NIBAN1: variants seen among roughly 807,000 people sequenced by gnomAD.
NIBAN1 encodes protein Niban 1.
In NIBAN1, 81 loss-of-function variants were observed where a neutral mutation model predicts 75.1. The observed-to-expected ratio is 1.08, with a 90% CI of 0.90 to 1.30. The LOEUF is 1.30. NIBAN1 is among the 50% of genes most tolerant of loss of function. NIBAN1 has a pLI of 0.00. For synonymous variants in NIBAN1, 436 were observed against 424.8 expected (o/e 1.03, Z -0.32); for missense variants, 1,133 against 1,128.1 (o/e 1.00, Z -0.06).
At chr1:184,892,932 C>T (rs1656708962) in intron 3 of NIBAN1, among the ~76,000 whole-genome samples, 1 of 152,048 alleles carries the variant, frequency 6.6e-6, no homozygotes, top group Admixed American at 6.6e-5. Flanking sequence ...CCAGCATGCC[C>T]AGCTAATTTT....
At chr1:184,797,326 G>A (rs1403164536) in intron 13 of NIBAN1, among the ~76,000 whole-genome samples, 3 of 151,924 alleles carry the variant, frequency 2.0e-5, no homozygotes, top group South Asian at 4.2e-4. Context: ...ATTTTTAGTA[G>A]AGATGGAGTT....
chr1:184,952,700 C>T (rs1658389607), intron 1 of NIBAN1, among the ~76,000 whole-genome samples: 2 of 152,220 alleles, frequency 1.3e-5, no homozygotes, highest in African/African-American at 4.8e-5. Context: ...TTGGACTAAA[C>T]TAAATGCTGC....
intron 5 of NIBAN1, among the ~76,000 whole-genome samples, chr1:184,841,973 A>C (rs1253998121): frequency 6.6e-6 from 1 of 152,152 alleles, no homozygotes; most frequent in Non-Finnish European, 1.5e-5. Flanking sequence ...GCTGCCATTC[A>C]TATTCACCCC....
At chr1:184,796,231 C>T in intron 13 of NIBAN1, 134 bp from the exon 14 acceptor site, 3 of 837,322 alleles carry the variant, frequency 3.6e-6, no homozygotes, top group Non-Finnish European at 5.3e-6. Flanking sequence ...TCCCTGATGA[C>T]CAAAGTCTAT....
chr1:184,891,504 A>G (rs184195612), intron 3 of NIBAN1, among the ~76,000 whole-genome samples: 263 of 152,326 alleles, frequency 1.7e-3, no homozygotes, highest in African/African-American at 6.0e-3. Flanking sequence ...AGGCCCCAAT[A>G]TTGGCTTTTA....
At chr1:184,826,420 C>T (rs1397834944) in intron 6 of NIBAN1, among the ~76,000 whole-genome samples, 12 of 152,178 alleles carry the variant, frequency 7.9e-5, no homozygotes. Context: ...ACCGCAATTA[C>T]TTTTGCACCA....
chr1:184,962,879 T>C (rs541628585), intron 1 of NIBAN1, among the ~76,000 whole-genome samples: 1 of 152,094 alleles, frequency 6.6e-6, no homozygotes, highest in South Asian at 2.1e-4. Flanking sequence ...AAAAATAATG[T>C]TTTTTTCCTG....
chr1:184,900,599 T>A (rs1656928391), intron 1 of NIBAN1, among the ~76,000 whole-genome samples: 1 of 150,902 alleles, frequency 6.6e-6, no homozygotes, highest in Non-Finnish European at 1.5e-5. Context: ...ACAGGGAGAG[T>A]CAGACACCTG....
intron 1 of NIBAN1, among the ~76,000 whole-genome samples, chr1:184,922,017 A>T (rs1419252242): frequency 6.6e-6 from 1 of 152,212 alleles, no homozygotes; most frequent in Non-Finnish European, 1.5e-5. Flanking sequence ...ACACGCACAT[A>T]ATTAAGTTGA....
intron 5 of NIBAN1, among the ~76,000 whole-genome samples, chr1:184,880,080 G>A (rs578006210): frequency 1.3e-5 from 2 of 152,330 alleles, no homozygotes; most frequent in African/African-American, 4.8e-5. Context: ...AGTCCTGGCT[G>A]TCCTTCAAGC....
chr1:184,928,664 A>T lies in NIBAN1; in HGVS notation c.56-29355T>A, dbSNP rs114336081. 3.7e-3 allele frequency among the ~76,000 whole-genome samples: 563 copies of T among 152,200 alleles called. 3 individuals are homozygous for T. The highest frequency in any genetic ancestry group is 0.013 in the African/African-American group (541 of 41,530). ...TGTGCTCTCCCTCCCCCAAGCATAC[A>T]GATTCTGTCTCTGTGCCATGCGACC... On this transcript the variant is annotated intron_variant, in intron 1 of 13. Transcript: ENST00000367511.
chr1:184,877,107 G>C (rs1656252857), intron 5 of NIBAN1, among the ~76,000 whole-genome samples: 1 of 152,144 alleles, frequency 6.6e-6, no homozygotes, highest in African/African-American at 2.4e-5. Context: ...TCTATCTAGA[G>C]TAACACAGAT....
intron 1 of NIBAN1, among the ~76,000 whole-genome samples, chr1:184,931,816 T>C (rs549179160): frequency 1.3e-5 from 2 of 152,362 alleles, no homozygotes; most frequent in Non-Finnish European, 2.9e-5. Flanking sequence ...CCAACTCATG[T>C]GTAGCGCAGC....
At chr1:184,845,201 G>A (rs949467986) in intron 5 of NIBAN1, among the ~76,000 whole-genome samples, 4 of 152,146 alleles carry the variant, frequency 2.6e-5, no homozygotes, top group African/African-American at 9.7e-5. Flanking sequence ...GTCTCACTAA[G>A]GGATCCATTT....
rs1654558528 is a variant in NIBAN1, at chr1:184,817,081, GT to G, written c.1173+1556del. ...GTGATGTTCCCTGCCATGTCCACGTGTTCTCATTGTTCAATTCCCACCTATG... is the reference window on the plus strand; with the variant it reads ...GTGATGTTCCCTGCCATGTCCACGTGTCTCATTGTTCAATTCCCACCTATG... On this transcript the variant is annotated intron_variant, in intron 9 of 13. Transcript: ENST00000367511. 5.3e-5 allele frequency among the ~76,000 whole-genome samples: 8 copies of G among 152,176 alleles called. 1 individual carries two copies. Among genetic ancestry groups the G allele is most frequent in the Admixed American group, 5.2e-4 (8 of 15,284 alleles).
intron 4 of NIBAN1, among the ~76,000 whole-genome samples, chr1:184,886,601 C>T (rs978325215): frequency 6.6e-6 from 1 of 152,172 alleles, no homozygotes; most frequent in Non-Finnish European, 1.5e-5. Flanking sequence ...TACTCCTTTC[C>T]ATGCATTCCT....
intron 1 of NIBAN1, among the ~76,000 whole-genome samples, chr1:184,905,329 G>A (rs1657063654): frequency 6.6e-6 from 1 of 152,094 alleles, no homozygotes. Context: ...AGTCATAAGG[G>A]TCACACCTCA....
rs1653840903 is a variant in NIBAN1 at position 184,795,756 on chromosome 1, T to C, written c.2008A>G (p.Thr670Ala). 6.2e-7 allele frequency: 1 copy of C among 1,612,184 alleles called. No individual in the cohort carries two copies. The highest frequency in any genetic ancestry group is 8.5e-7 in the Non-Finnish European group (1 of 1,178,868). ...CCCGGGAGTCCTGCTGTGTCCTCTG[T>C]TGCCACAGGATTCACCACGGGGTCA... Reference protein sequence around the residue: ...VDDPVVNPVATEDTAGLPGTC... With the variant: ...VDDPVVNPVAAEDTAGLPGTC... Residue 670 changes from threonine to alanine, a missense_variant, in exon 14 of 14, where the codon ACA becomes GCA. Physicochemically the swap from Thr to Ala is moderately conservative, Grantham distance 58. Transcript: ENST00000367511.
intron 1 of NIBAN1, among the ~76,000 whole-genome samples, chr1:184,971,499 G>A (rs750824676): frequency 6.6e-5 from 10 of 151,458 alleles, no homozygotes; most frequent in East Asian, 2.0e-4. Flanking sequence ...GTGAAACCCC[G>A]TCTCTACTAA....
Sources: allele counts gnomAD v4.1 joint callset (sites outside exome capture counted in the v4.1 genomes callset), GRCh38; gene constraint gnomAD v4.1.1; transcripts MANE v1.5; gene names NCBI Gene and HGNC (gene_info 2026-07-23, HGNC 2026-07-21).